The following RNF17 variants were observed in gnomAD, a reference collection of about 807,000 sequenced individuals.
The protein encoded by RNF17 is ring finger protein 17.
A neutral mutation model predicts 200.5 loss-of-function variants in RNF17; 31 were observed. The ratio of observed to expected loss-of-function variants is 0.15; its 90% CI spans 0.12 to 0.21. The LOEUF (loss-of-function observed/expected upper bound fraction) is 0.21. Among genes scored for constraint, RNF17 ranks in the 10% least tolerant of loss-of-function variants. The pLI is 1.00. For synonymous variants in RNF17, 606 were observed against 637.8 expected (o/e 0.95, Z 0.75); for missense variants, 1,628 against 1,905.1 (o/e 0.85, Z 2.71).
rs369333178 is a variant in RNF17 at position 24,764,280 on chromosome 13, G to C, written c.77G>C (p.Gly26Ala). The C allele has an allele frequency of 1.2e-6, 2 of 1,611,744 alleles. No individual in the cohort carries two copies. Among genetic ancestry groups the C allele is most frequent in the Non-Finnish European group, 1.7e-6 (2 of 1,178,322 alleles). ...ATGGGGAGGAAGAGTCAGCCCTGGGGTGCCGCTGAAATCCAGTGCACCAGG... is the reference window on the plus strand; with the variant it reads ...ATGGGGAGGAAGAGTCAGCCCTGGGCTGCCGCTGAAATCCAGTGCACCAGG... ...QRMGRKSQPW[G>A]AAEIQCTRCG... The change falls in exon 1 of 36, where the codon GGT (glycine) becomes GCT (alanine). Residue 26 changes from glycine to alanine, a missense_variant. Physicochemically the swap from Gly to Ala is moderately conservative, Grantham distance 60. Around this residue, in one of 5 missense-constraint regions of RNF17, gnomAD observed 502 missense variants for 501.7 expected, o/e 1.00. Transcript: ENST00000255324.
chr13:24,799,653 A>G (rs1885004435), intron 12 of RNF17, 69 bp downstream of exon 12: 1 of 951,742 alleles, frequency 1.1e-6, no homozygotes, highest in South Asian at 1.6e-5. Context: ...GAGTTAAAGA[A>G]TAAAGGAAAT....
intron 11 of RNF17, among the ~76,000 whole-genome samples, chr13:24,798,539 A>G (rs1884874495): frequency 1.3e-5 from 2 of 152,178 alleles, no homozygotes; most frequent in African/African-American, 2.4e-5. Flanking sequence ...TACCAGATTC[A>G]TTTCCAAAAT....
At chr13:24,884,182 G>A (rs372725414), downstream of RNF17, 13 of 1,614,066 alleles carry the variant, frequency 8.1e-6, no homozygotes, top group African/African-American at 1.2e-4. Context: ...CTTGAGAAAT[G>A]TAAGACTTCC....
downstream of RNF17, among the ~76,000 whole-genome samples, chr13:24,881,593 GATATATCT>G (rs1266467711): frequency 6.6e-6 from 1 of 151,064 alleles, no homozygotes; most frequent in Non-Finnish European, 1.5e-5. Flanking sequence ...AGGATATATA[GATATATCT>G]ATCTAGATTA....
chr13:24,832,582 T>A (rs537657067), intron 18 of RNF17, among the ~76,000 whole-genome samples: 1 of 152,206 alleles, frequency 6.6e-6, no homozygotes, highest in Non-Finnish European at 1.5e-5. Context: ...ATTCATATTT[T>A]ACTTCAAGAT....
chr13:24,781,720 T>C, intron 5 of RNF17, 124 bp from the exon 6 acceptor site: 1 of 622,840 alleles, frequency 1.6e-6, no homozygotes. Flanking sequence ...TTTATATTAT[T>C]ATCTCTTTAC....
downstream of RNF17, among the ~76,000 whole-genome samples, chr13:24,881,638 A>C (rs1261425870): frequency 6.6e-6 from 1 of 151,036 alleles, no homozygotes; most frequent in Non-Finnish European, 1.5e-5. Context: ...CTAGAGATAT[A>C]TCTAGATAGA....
chr13:24,782,612 G>A (rs375425146), intron 6 of RNF17, among the ~76,000 whole-genome samples: 5 of 151,484 alleles, frequency 3.3e-5, no homozygotes, highest in Non-Finnish European at 7.4e-5. Flanking sequence ...AGATGGGGGG[G>A]GGATCTTTGA....
At chr13:24,770,467 C>T (rs116004330) in intron 2 of RNF17, among the ~76,000 whole-genome samples, 1,682 of 152,230 alleles carry the variant, frequency 0.011, 31 homozygotes, top group African/African-American at 0.039. Context: ...TGCATCAAAT[C>T]TGCTGATAAT....
Position 24,858,479 on chromosome 13 carries a change from T to C in RNF17, c.3611-522T>C, listed in dbSNP as rs201535284. On this transcript the variant is annotated intron_variant, in intron 25 of 35. Coordinates refer to ENST00000255324, the MANE Select transcript of RNF17 (RefSeq NM_031277.3). ...TTATGGAAGGATAAACTGAGGCTTA[T>C]TGGAGGTAAGGGAACTACCCAAGAT... Among the ~76,000 whole-genome samples the C allele has an allele frequency of 2.0e-5, 3 of 151,818 alleles. No individual in the cohort carries two copies. In the East Asian group the frequency reaches 5.8e-4, roughly 29 times the overall value.
In RNF17 at chr13:24,870,667, A is replaced by G; in HGVS notation, c.4375A>G (p.Ser1459Gly). 6.2e-7 allele frequency: 1 copy of G among 1,614,192 alleles called. No homozygotes were observed. The highest frequency in any genetic ancestry group is 8.5e-7 in the Non-Finnish European group (1 of 1,180,012). ...SGVSGESESE[S>G]LDEALQRVNK... ...AGTCAGCGGGGAATCAGAATCCGAG[A>G]GCCTTGATGAAGCACTGCAGAGGGT... Residue 1459 changes from serine to glycine, a missense_variant, in exon 32 of 36, where the codon AGC becomes GGC. Coordinates refer to ENST00000255324, the MANE Select transcript of RNF17 (RefSeq NM_031277.3).
chr13:24,772,426 ATTTTTTTTT>A (rs34066913), intron 2 of RNF17, among the ~76,000 whole-genome samples: 5 of 106,020 alleles, frequency 4.7e-5, no homozygotes, highest in African/African-American at 7.3e-5. Flanking sequence ...TTGAGTCTCC[ATTTTTTTTT>A]TTTTTTTTTT....
chr13:24,839,946 A>G (rs1890430555), intron 18 of RNF17, among the ~76,000 whole-genome samples: 2 of 152,296 alleles, frequency 1.3e-5, no homozygotes, highest in African/African-American at 2.4e-5. Flanking sequence ...TAAACAGACA[A>G]CCCACAGAGT....
chr13:24,841,493 A>G (rs922754986), intron 18 of RNF17, among the ~76,000 whole-genome samples: 2 of 152,206 alleles, frequency 1.3e-5, no homozygotes, highest in African/African-American at 4.8e-5. Context: ...TCTTTATATA[A>G]TGGCACACAG....
chr13:24,816,725 C>G (rs998751030), intron 15 of RNF17, among the ~76,000 whole-genome samples: 1 of 152,186 alleles, frequency 6.6e-6, no homozygotes, highest in Non-Finnish European at 1.5e-5. Flanking sequence ...GTCAGCACTC[C>G]TGGAGAGTGG....
chr13:24,795,063 TTGTATG>T (rs1884390370), intron 10 of RNF17, among the ~76,000 whole-genome samples: 1 of 152,290 alleles, frequency 6.6e-6, no homozygotes, highest in African/African-American at 2.4e-5. Context: ...GTCACCCCAG[TTGTATG>T]TGTTTATCTT....
Position 24,781,827 on chromosome 13 carries a change from G to GT in RNF17, c.511-5dup, listed in dbSNP as rs5802305. On this transcript the variant is annotated splice_polypyrimidine_tract_variant and intron_variant, in intron 5 of 35. Coordinates refer to ENST00000255324, the MANE Select transcript of RNF17 (RefSeq NM_031277.3). ...AATTCCCAAATTAAGTTTTTGTCTT[G>GT]TTTTTTTTTTTTCCAGGCACTTGAA... The GT allele has an allele frequency of 9.1e-4, 938 of 1,032,064 alleles. 1 individual carries two copies. The African/African-American group carries it at 0.011, about 12-fold the overall frequency. 63.9% of individuals were successfully genotyped at this position (1,032,064 alleles called of 1,614,324 possible).
chr13:24,860,033 A>G (rs1285212409), intron 26 of RNF17, among the ~76,000 whole-genome samples: 6 of 151,924 alleles, frequency 3.9e-5, no homozygotes, highest in African/African-American at 7.2e-5. Flanking sequence ...CACTTTTTCT[A>G]TTGAACTACA....
At chr13:24,757,998 T>A in the RNF17 span, among the ~76,000 whole-genome samples, 1 of 152,182 alleles carries the variant, frequency 6.6e-6, no homozygotes, top group Non-Finnish European at 1.5e-5. Context: ...AGTGTTCTCA[T>A]GAGATCTTCC....
Sources: allele counts gnomAD v4.1 joint callset (sites outside exome capture counted in the v4.1 genomes callset), GRCh38; gene constraint gnomAD v4.1.1; regional missense constraint gnomAD v4.1.1; transcripts MANE v1.5; gene names NCBI Gene and HGNC (gene_info 2026-07-23, HGNC 2026-07-21).